Variants in AP1S2 observed in about 807,000 individuals in gnomAD.
AP1S2 encodes the protein AP-1 complex subunit sigma-2.
In AP1S2, 1 loss-of-function variant was observed where a neutral mutation model predicts 14.3. The ratio of observed to expected loss-of-function variants is 0.07; its 90% CI spans 0.02 to 0.33. The LOEUF (loss-of-function observed/expected upper bound fraction) is 0.33. Among genes scored for constraint, AP1S2 ranks in the 10% least tolerant of loss-of-function variants. AP1S2 has a pLI of 0.99. For missense variants in AP1S2, 30 were observed against 117.7 expected (o/e 0.25, Z 3.45); for synonymous variants, 30 against 40.5 (o/e 0.74, Z 0.99).
At chrX:15,844,923 T>G in intron 4 of AP1S2, 1 of 663,456 alleles carries the variant, frequency 1.5e-6, no homozygotes, top group Non-Finnish European at 1.8e-6. Flanking sequence ...ACTTTTGCAT[T>G]TAATGGACAT....
At position 15,845,863 on chromosome X, in the gene AP1S2, T is replaced by C. The variant is rs752708433; in HGVS notation, c.288+40A>G. ...TTGTTAGAGAAAAGGTTCCAAAATA[T>C]ACTATGGCATTCAATTTCCTAAAAT... On this transcript the variant is annotated intron_variant, in intron 3 of 5. Coordinates refer to ENST00000672987, the MANE Select transcript of AP1S2 (RefSeq NM_001272071.2). The C allele has an allele frequency of 5.6e-6, 6 of 1,068,348 alleles. No individual in the cohort carries two copies. In the East Asian group the frequency reaches 1.2e-4, roughly 21 times the overall value. The allele number at this position is 1,068,348 out of a possible 1,213,427, so 88.0% of individuals were successfully genotyped here. A position where few individuals can be genotyped will look rare whatever the true frequency, so the allele number is the denominator to read the frequency against.
chrX:15,828,293 G>T, intron 4 of AP1S2, 93 bp from the exon 5 acceptor site: 1 of 638,640 alleles, frequency 1.6e-6, no homozygotes, highest in Non-Finnish European at 2.2e-6. Context: ...ACTTCATGGT[G>T]TAATCTTAAG....
At position 15,850,598 on chromosome X, in the gene AP1S2, G is replaced by A. The variant is rs183071843; in HGVS notation, c.179+1748C>T. ...GCTGGACTTGAACTCCTGGGCTCAA[G>A]CGATTCTCCTGCCTCGACCTCCCAT... On this transcript the variant is annotated intron_variant, in intron 2 of 5. Transcript: ENST00000672987. 5.5e-3 allele frequency among the ~76,000 whole-genome samples: 593 copies of A among 108,262 alleles called. 8 individuals are homozygous for A. The highest frequency in any genetic ancestry group is 0.019 in the African/African-American group (572 of 29,579). The allele number at this position is 108,262 out of a possible 115,157, so 94.0% of individuals were successfully genotyped here. A position where few individuals can be genotyped will look rare whatever the true frequency, so the allele number is the denominator to read the frequency against.
At chrX:15,841,832 G>A (rs750103627) in intron 4 of AP1S2, among the ~76,000 whole-genome samples, 4 of 111,577 alleles carry the variant, frequency 3.6e-5, no homozygotes, top group Admixed American at 1.9e-4. Context: ...AAAACAGAAC[G>A]TTTAAAATAT....
At chrX:15,852,936 G>A in intron 1 of AP1S2, 6 of 650,147 alleles carry the variant, frequency 9.2e-6, no homozygotes, top group Non-Finnish European at 7.4e-6. Flanking sequence ...AGAAACAGAA[G>A]ACCTGCTATT....
At chrX:15,833,879 T>A (rs1487208982) in intron 4 of AP1S2, among the ~76,000 whole-genome samples, 1 of 111,535 alleles carries the variant, frequency 9.0e-6, no homozygotes, top group African/African-American at 3.3e-5. Flanking sequence ...AGGCCTACTA[T>A]CTTGTTCTTC....
chrX:15,840,959 A>G (rs1933812162), intron 4 of AP1S2, among the ~76,000 whole-genome samples: 1 of 112,550 alleles, frequency 8.9e-6, no homozygotes, highest in South Asian at 3.6e-4. Flanking sequence ...AGGAATAAAC[A>G]TGAAGTTTGG....
intron 1 of AP1S2, among the ~76,000 whole-genome samples, chrX:15,854,198 A>G (rs1292875358): frequency 3.5e-5 from 4 of 112,835 alleles, no homozygotes; most frequent in Non-Finnish European, 7.5e-5. Context: ...GACTGGCATT[A>G]AAAACAATGG....
At chrX:15,834,439 A>T (rs866766998) in intron 4 of AP1S2, among the ~76,000 whole-genome samples, 1 of 25,128 alleles carries the variant, frequency 4.0e-5, no homozygotes, top group Non-Finnish European at 7.2e-5. Flanking sequence ...TCCCTTCCAA[A>T]ATATATATAT....
intron 4 of AP1S2, among the ~76,000 whole-genome samples, chrX:15,838,594 T>A (rs1392898252): frequency 9.2e-6 from 1 of 108,224 alleles, no homozygotes; most frequent in Non-Finnish European, 1.9e-5. Context: ...TAGGTCAGGA[T>A]CAGCATTTAA....
chrX:15,841,115 T>C (rs1296836015), intron 4 of AP1S2, among the ~76,000 whole-genome samples: 1 of 112,369 alleles, frequency 8.9e-6, no homozygotes, highest in Non-Finnish European at 1.9e-5. Context: ...TATTACTAAC[T>C]GTAATATGCT....
At position 15,847,494 on chromosome X, in the gene AP1S2, G is replaced by C. The variant is rs184826215; in HGVS notation, c.180-1483C>G. On this transcript the variant is annotated intron_variant, in intron 2 of 5. Coordinates refer to ENST00000672987, the MANE Select transcript of AP1S2 (RefSeq NM_001272071.2). Reference sequence around the variant, plus strand: ...CTACTCTACCTGACTTCCACACTCAGTAAGTTATTTAAAATGGTGGAGCTA... The same window carrying C: ...CTACTCTACCTGACTTCCACACTCACTAAGTTATTTAAAATGGTGGAGCTA... 4.3e-3 allele frequency among the ~76,000 whole-genome samples: 485 copies of C among 111,567 alleles called. 2 individuals carry two copies. Among genetic ancestry groups the C allele is most frequent in the Non-Finnish European group, 7.5e-3 (397 of 52,990 alleles).
chrX:15,830,651 T>C, intron 4 of AP1S2: 1 of 631,334 alleles, frequency 1.6e-6, no homozygotes, highest in East Asian at 1.6e-4. Context: ...TTCAGAAATA[T>C]AATGCCACAG....
intron 3 of AP1S2, 116 bp from the exon 4 acceptor site, chrX:15,845,632 T>G: frequency 1.0e-6 from 1 of 999,584 alleles, no homozygotes; most frequent in Non-Finnish European, 1.3e-6. Flanking sequence ...TGAATCAATC[T>G]TAACTCTTTC....
chrX:15,852,839 C>T, intron 1 of AP1S2: 1 of 743,242 alleles, frequency 1.3e-6, no homozygotes, highest in African/African-American at 2.3e-5. Context: ...ATTTAAGAAA[C>T]TATTTTCTAC....
chrX:15,834,438 A>AT (rs1933535368), intron 4 of AP1S2, among the ~76,000 whole-genome samples: 2 of 41,144 alleles, frequency 4.9e-5, no homozygotes, highest in Admixed American at 3.3e-4. Context: ...CTCCCTTCCA[A>AT]AATATATATA....
intron 1 of AP1S2, among the ~76,000 whole-genome samples, chrX:15,853,255 C>T (rs540433304): frequency 1.3e-4 from 15 of 112,498 alleles, no homozygotes; most frequent in Middle Eastern, 4.6e-3. Context: ...AGCATTGAAA[C>T]ATTACATGAA....
intron 4 of AP1S2, among the ~76,000 whole-genome samples, chrX:15,843,499 G>A (rs1033079573): frequency 8.9e-6 from 1 of 111,909 alleles, no homozygotes. Context: ...AGGTTGCAGT[G>A]AGCCAAGATC....
chrX:15,852,651 A>G (rs1934213022), intron 1 of AP1S2, 127 bp from the exon 2 acceptor site: 1 of 700,685 alleles, frequency 1.4e-6, no homozygotes, highest in Non-Finnish European at 2.1e-6. Flanking sequence ...AGCCATCAAT[A>G]TTTCTATGCC....
Sources: gnomAD v4.1 joint callset for allele counts (sites outside exome capture counted in the v4.1 genomes callset) on GRCh38, gnomAD v4.1.1 for gene constraint, MANE v1.5 for transcripts, NCBI Gene and HGNC (gene_info 2026-07-23, HGNC 2026-07-21) for gene names.